The following MARCHF2 variants were observed in gnomAD, a reference collection of about 807,000 sequenced individuals.
The protein encoded by MARCHF2 is membrane associated ring-CH-type finger 2.
In MARCHF2, 22 loss-of-function variants were observed where a neutral mutation model predicts 24.0. The observed-to-expected ratio is 0.92, with a 90% confidence interval of 0.66 to 1.31. The LOEUF (loss-of-function observed/expected upper bound fraction) is 1.31. Among genes scored for constraint, MARCHF2 ranks in the 50% most tolerant of loss-of-function variants. The pLI, the probability that MARCHF2 is intolerant of heterozygous loss-of-function variation, is 0.00. For missense variants in MARCHF2, 301 were observed against 335.3 expected (o/e 0.90, Z 0.80); for synonymous variants, 154 against 153.0 (o/e 1.01, Z -0.05).
chr19:8,422,654 A>G (rs1967280602), intron 2 of MARCHF2, among the ~76,000 whole-genome samples: 1 of 149,090 alleles, frequency 6.7e-6, no homozygotes, highest in Non-Finnish European at 1.5e-5. Flanking sequence ...CGGCCTCCCA[A>G]ACTGCTGGGA....
At chr19:8,429,243 G>A (rs1006049676) in intron 3 of MARCHF2, among the ~76,000 whole-genome samples, 11 of 151,854 alleles carry the variant, frequency 7.2e-5, no homozygotes, top group Admixed American at 5.9e-4. Context: ...CCATGTGACC[G>A]TTCACCCATT....
chr19:8,422,001 C>G lies in MARCHF2; in HGVS notation c.161C>G (p.Ala54Gly). 1 of 1,611,522 alleles carries G rather than the reference C, an allele frequency of 6.2e-7. No homozygotes were observed. Among genetic ancestry groups the G allele is most frequent in the Non-Finnish European group, 8.5e-7 (1 of 1,178,930 alleles). ...CGGCTCCTCTCCACCGTCATCCGTG[C>G]CTTGGACACACCGAGGTGAGTGGTG... ...DGRLLSTVIR[A>G]LDTPSDGPFC... The change falls in exon 2 of 5, where the codon GCC (alanine) becomes GGC (glycine). Residue 54 changes from alanine to glycine, a missense_variant. Physicochemically the swap from Ala to Gly is moderately conservative, Grantham distance 60. Coordinates refer to ENST00000215555, the MANE Select transcript of MARCHF2 (RefSeq NM_001005415.2).
intron 4 of MARCHF2, among the ~76,000 whole-genome samples, chr19:8,432,304 T>A (rs1031274384): frequency 6.6e-6 from 1 of 151,254 alleles, no homozygotes. Flanking sequence ...GCAGGAAGAT[T>A]GCTTGAAGCA....
rs1967466778 is a variant in MARCHF2 at position 8,428,278 on chromosome 19, G to C, written c.372+1474G>C. 1.3e-5 allele frequency among the ~76,000 whole-genome samples: 2 copies of C among 148,730 alleles called. 1 individual carries two copies. Among genetic ancestry groups the C allele is most frequent in the Non-Finnish European group, 3.0e-5 (2 of 67,194 alleles). ...CCATCTCAAAAAAAAAAATTAGCCAGGTATGGTGGTGGGTGCCTATAATCC... is the reference window on the plus strand; with the variant it reads ...CCATCTCAAAAAAAAAAATTAGCCACGTATGGTGGTGGGTGCCTATAATCC... On this transcript the variant is annotated intron_variant, in intron 3 of 4. Coordinates refer to ENST00000215555, the MANE Select transcript of MARCHF2 (RefSeq NM_001005415.2).
At chr19:8,435,803 A>G (rs1212385196) in intron 4 of MARCHF2, among the ~76,000 whole-genome samples, 1 of 150,944 alleles carries the variant, frequency 6.6e-6, no homozygotes, top group Non-Finnish European at 1.5e-5. Context: ...TGCTGGGATT[A>G]TAGGTGTGAG....
At chr19:8,424,291 C>G (rs1967335979) in intron 2 of MARCHF2, among the ~76,000 whole-genome samples, 1 of 152,142 alleles carries the variant, frequency 6.6e-6, no homozygotes, top group Admixed American at 6.6e-5. Flanking sequence ...GTGAGCACTT[C>G]TCTCTGGATG....
intron 3 of MARCHF2, among the ~76,000 whole-genome samples, chr19:8,429,806 T>A (rs1267277384): frequency 3.9e-5 from 2 of 50,846 alleles, no homozygotes; most frequent in Admixed American, 4.9e-4. Flanking sequence ...ACCAGGGCTT[T>A]TTTTTTTTTT....
At chr19:8,429,345 T>TG (rs913546570) in intron 3 of MARCHF2, among the ~76,000 whole-genome samples, 9 of 151,666 alleles carry the variant, frequency 5.9e-5, no homozygotes, top group African/African-American at 2.2e-4. Flanking sequence ...TGGCTGGGTG[T>TG]GGTAGCTCAT....
intron 1 of MARCHF2, among the ~76,000 whole-genome samples, chr19:8,414,613 T>G (rs1303871965): frequency 1.3e-5 from 2 of 152,144 alleles, no homozygotes; most frequent in Non-Finnish European, 2.9e-5. Context: ...ATACTGAGGC[T>G]GAGAGAGTAA....
At chr19:8,431,993 C>T (rs981035009) in intron 4 of MARCHF2, among the ~76,000 whole-genome samples, 1 of 151,770 alleles carries the variant, frequency 6.6e-6, no homozygotes, top group African/African-American at 2.4e-5. Flanking sequence ...CCCATCTCTA[C>T]TAAAAATACA....
intron 1 of MARCHF2, chr19:8,418,847 T>C (rs1208623786): frequency 6.6e-6 from 1 of 151,756 alleles, no homozygotes; most frequent in African/African-American, 2.4e-5. Flanking sequence ...CGGATTTTGA[T>C]TGGCAGTTTA....
chr19:8,425,886 A>T (rs1967385413), intron 2 of MARCHF2, among the ~76,000 whole-genome samples: 1 of 150,004 alleles, frequency 6.7e-6, no homozygotes, highest in Non-Finnish European at 1.5e-5. Context: ...AAGTACTGGG[A>T]TTACAGGAAT....
At chr19:8,431,586 C>G (rs1967588301) in intron 4 of MARCHF2, among the ~76,000 whole-genome samples, 1 of 151,712 alleles carries the variant, frequency 6.6e-6, no homozygotes, top group Non-Finnish European at 1.5e-5. Context: ...CCTTTAATCC[C>G]AGCACTTTGG....
chr19:8,432,028 T>C (rs552871771), intron 4 of MARCHF2, among the ~76,000 whole-genome samples: 7 of 150,362 alleles, frequency 4.7e-5, no homozygotes, highest in African/African-American at 1.7e-4. Context: ...TGTGGTGGCA[T>C]GTGCCTGTCA....
At chr19:8,431,748 G>A (rs951086376) in intron 4 of MARCHF2, among the ~76,000 whole-genome samples, 4 of 152,018 alleles carry the variant, frequency 2.6e-5, no homozygotes, top group Non-Finnish European at 5.9e-5. Flanking sequence ...TGAGGCAGGA[G>A]AATCACGTGA....
At chr19:8,432,809 TG>T (rs1967616563) in intron 4 of MARCHF2, among the ~76,000 whole-genome samples, 2 of 151,862 alleles carry the variant, frequency 1.3e-5, no homozygotes, top group Non-Finnish European at 1.5e-5. Context: ...ATAAAAAGCC[TG>T]GGTGCAGTGC....
At chr19:8,413,549 G>A (rs995018907) in intron 1 of MARCHF2, 129 bp downstream of exon 1, 2 of 152,184 alleles carry the variant, frequency 1.3e-5, no homozygotes, top group African/African-American at 4.8e-5. Flanking sequence ...TCTCGGGGAC[G>A]CGGGGACCTC....
rs77250965 is a variant in MARCHF2 at position 8,430,894 on chromosome 19, C to G, written c.582+27C>G. On this transcript the variant is annotated intron_variant, in intron 4 of 4. Coordinates refer to ENST00000215555, the MANE Select transcript of MARCHF2 (RefSeq NM_001005415.2). This position sits in a 1 kb window ranked among gnomAD's most constrained non-coding sequence, Gnocchi z 4.4. The stretch of plus-strand genomic sequence containing the variant: ...TGAGTGGCTGTGGTTGTGCAGCACG[C>G]GTCTCGAGCTCTGCCGCTGGGAGCA... 1.0e-4 allele frequency: 158 copies of G among 1,543,706 alleles called. No individual in the cohort carries two copies. The highest frequency in any genetic ancestry group is 7.4e-4 in the Middle Eastern group (4 of 5,440).
At chr19:8,425,019 T>C (rs1967358671) in intron 2 of MARCHF2, among the ~76,000 whole-genome samples, 1 of 152,132 alleles carries the variant, frequency 6.6e-6, no homozygotes, top group Non-Finnish European at 1.5e-5. Flanking sequence ...GTGATCCTCC[T>C]GCCTCAGCCT....
Sources: gnomAD v4.1 joint callset for allele counts (sites outside exome capture counted in the v4.1 genomes callset) on GRCh38, gnomAD v4.1.1 for gene constraint, Gnocchi (gnomAD v3.1) non-coding constraint, MANE v1.5 for transcripts, NCBI Gene and HGNC (gene_info 2026-07-23, HGNC 2026-07-21) for gene names.